CADM2: variants seen among roughly 807,000 people sequenced by gnomAD.
CADM2 encodes immunoglobulin superfamily member 4D.
A neutral mutation model predicts 49.8 loss-of-function variants in CADM2; 12 were observed. The observed-to-expected ratio is 0.24, with a 90% CI of 0.15 to 0.39. The LOEUF is 0.39. Ranked by LOEUF, CADM2 falls within the 10% of genes least tolerant of loss-of-function variation. The probability of loss-of-function intolerance (pLI) is 1.00; values close to 1 mark genes in which losing one functional copy is unlikely to be tolerated. For synonymous variants in CADM2, 214 were observed against 175.4 expected (o/e 1.22, Z -1.74); for missense variants, 378 against 492.3 (o/e 0.77, Z 2.20).
chr3:85,483,994 A>G (rs1189537843), intron 1 of CADM2, among the ~76,000 whole-genome samples: 2 of 151,722 alleles, frequency 1.3e-5, no homozygotes, highest in African/African-American at 2.4e-5. Flanking sequence ...AAGCTATTCA[A>G]TGTTCTGAGG....
At chr3:85,003,707 T>C (rs1239057125) in intron 1 of CADM2, among the ~76,000 whole-genome samples, 2 of 152,148 alleles carry the variant, frequency 1.3e-5, no homozygotes, top group African/African-American at 2.4e-5. Flanking sequence ...GGCAACTCTT[T>C]AGTGTATTAT....
chr3:85,611,582 G>A (rs931921645), intron 1 of CADM2, among the ~76,000 whole-genome samples: 1 of 151,878 alleles, frequency 6.6e-6, no homozygotes, highest in Non-Finnish European at 1.5e-5. Flanking sequence ...ATTTAAAAGT[G>A]TTACTGAACA....
intron 8 of CADM2, among the ~76,000 whole-genome samples, chr3:85,987,581 AAAAT>A (rs915286392): frequency 2.0e-5 from 3 of 147,610 alleles, no homozygotes; most frequent in Admixed American, 6.8e-5. Flanking sequence ...TATACATGTT[AAAAT>A]AAATAAAATT....
At chr3:85,480,005 T>G (rs1576629127) in intron 1 of CADM2, among the ~76,000 whole-genome samples, 1 of 151,910 alleles carries the variant, frequency 6.6e-6, no homozygotes, top group East Asian at 1.9e-4. Context: ...TTATACTATT[T>G]TTTTTAAACT....
At chr3:85,289,757 A>G (rs978489813) in intron 1 of CADM2, among the ~76,000 whole-genome samples, 1 of 152,214 alleles carries the variant, frequency 6.6e-6, no homozygotes, top group African/African-American at 2.4e-5. Context: ...AGTATATAAT[A>G]ACAAACACTA....
intron 7 of CADM2, among the ~76,000 whole-genome samples, chr3:85,948,194 A>T (rs929430122): frequency 6.6e-6 from 1 of 151,556 alleles, no homozygotes; most frequent in African/African-American, 2.4e-5. Context: ...CAACATAGTA[A>T]TTGTAGAAAG....
intron 1 of CADM2, among the ~76,000 whole-genome samples, chr3:85,007,796 A>G (rs2033806484): frequency 1.3e-5 from 2 of 152,172 alleles, no homozygotes; most frequent in African/African-American, 4.8e-5. Flanking sequence ...TTCTTAATGA[A>G]TTTGGTAATT....
intron 1 of CADM2, among the ~76,000 whole-genome samples, chr3:85,710,408 G>A (rs7611991): frequency 0.22 from 33,731 of 151,754 alleles, 3,956 homozygotes; most frequent in Non-Finnish European, 0.25. Flanking sequence ...TATCATTTAC[G>A]CTATTTGTCC....
chr3:85,097,224 C>T (rs1162007696), intron 1 of CADM2, among the ~76,000 whole-genome samples: 3 of 152,028 alleles, frequency 2.0e-5, no homozygotes, highest in Non-Finnish European at 4.4e-5. Context: ...TGTTCAATTC[C>T]CACCTATGAG....
intron 1 of CADM2, among the ~76,000 whole-genome samples, chr3:85,150,488 G>C (rs2039886803): frequency 6.6e-6 from 1 of 151,970 alleles, no homozygotes; most frequent in Non-Finnish European, 1.5e-5. Context: ...TTCCAATGAA[G>C]ACCAAATTCT....
chr3:85,599,901 A>C (rs1475173163), intron 1 of CADM2, among the ~76,000 whole-genome samples: 1 of 73,562 alleles, frequency 1.4e-5, no homozygotes, highest in Non-Finnish European at 2.8e-5. Flanking sequence ...ACCTGCCTAG[A>C]AATTATGTAC....
chr3:85,301,379 A>G (rs2044097296), intron 1 of CADM2, among the ~76,000 whole-genome samples: 1 of 152,068 alleles, frequency 6.6e-6, no homozygotes, highest in African/African-American at 2.4e-5. Context: ...TGGAAAAGGG[A>G]GAGGAGAGGG....
intron 1 of CADM2, among the ~76,000 whole-genome samples, chr3:85,659,535 G>A (rs1278329652): frequency 2.0e-5 from 3 of 151,974 alleles, no homozygotes; most frequent in Non-Finnish European, 4.4e-5. Flanking sequence ...ATACAAGGGG[G>A]AACATTGTCT....
At chr3:85,125,373 TTG>T (rs746573171) in intron 1 of CADM2, among the ~76,000 whole-genome samples, 4 of 151,896 alleles carry the variant, frequency 2.6e-5, no homozygotes, top group African/African-American at 4.9e-5. Context: ...ACTTAGATTT[TTG>T]TTTTTTTTTT....
chr3:85,718,895 T>G (rs937259951), intron 1 of CADM2, among the ~76,000 whole-genome samples: 7 of 90,864 alleles, frequency 7.7e-5, no homozygotes, highest in African/African-American at 1.8e-4. Context: ...ATTATTATTA[T>G]TATTATTATT....
At chr3:85,059,635 C>A (rs1361403189) in intron 1 of CADM2, among the ~76,000 whole-genome samples, 1 of 152,082 alleles carries the variant, frequency 6.6e-6, no homozygotes, top group Non-Finnish European at 1.5e-5. Context: ...GAGGGTGAGT[C>A]TTTCCTGTAC....
At chr3:85,611,708 CT>C (rs201572143) in intron 1 of CADM2, among the ~76,000 whole-genome samples, 263 of 147,032 alleles carry the variant, frequency 1.8e-3, no homozygotes, top group African/African-American at 4.8e-3. Flanking sequence ...CAGAGGAATA[CT>C]TTTTTTTTTT....
chr3:85,292,466 C>A (rs1269875219), intron 1 of CADM2, among the ~76,000 whole-genome samples: 1 of 151,452 alleles, frequency 6.6e-6, no homozygotes, highest in Non-Finnish European at 1.5e-5. Context: ...AACTCTCCAC[C>A]CCAAATCAAC....
intron 1 of CADM2, among the ~76,000 whole-genome samples, chr3:85,228,019 G>A (rs2042200422): frequency 6.6e-6 from 1 of 152,146 alleles, no homozygotes; most frequent in Non-Finnish European, 1.5e-5. Context: ...GCTTCCCTTT[G>A]TGGGTAACCT....
Sources: gnomAD v4.1 joint callset for allele counts (sites outside exome capture counted in the v4.1 genomes callset) on GRCh38, gnomAD v4.1.1 for gene constraint, MANE v1.5 for transcripts, NCBI Gene and HGNC (gene_info 2026-07-23, HGNC 2026-07-21) for gene names.